Variants in HIF3A observed in about 807,000 individuals in gnomAD.
HIF3A encodes the protein hypoxia inducible factor 3 subunit alpha, also known as hypoxia-inducible factor 3-alpha.
In HIF3A, 41 loss-of-function variants were observed where a neutral mutation model predicts 67.2. The ratio of observed to expected loss-of-function variants is 0.61; its 90% CI spans 0.48 to 0.79. The LOEUF (loss-of-function observed/expected upper bound fraction) is 0.79, where lower values mean the gene tolerates loss of function less well. Among genes scored for constraint, HIF3A ranks in the 30% least tolerant of loss-of-function variants. HIF3A has a pLI of 0.00. For missense variants in HIF3A, 855 were observed against 898.0 expected (o/e 0.95, Z 0.61); for synonymous variants, 356 against 374.8 (o/e 0.95, Z 0.58).
Position 46,341,966 on chromosome 19 carries a change from A to C in HIF3A, c.*2344A>C, listed in dbSNP as rs1256293359. The C allele has an allele frequency of 6.6e-6, 1 of 152,158 alleles. No individual in the cohort carries two copies. 9.4% of individuals were successfully genotyped at this position (152,158 alleles called of 1,614,324 possible). On this transcript the variant is annotated 3_prime_UTR_variant, in exon 15 of 15. Coordinates refer to ENST00000377670, the MANE Select transcript of HIF3A (RefSeq NM_152795.4). ...ACCCTGTCCTTATCTTATAATAACC[A>C]GTTCTTCTAGAACCAGACGATGCTC... is the stretch of plus-strand genomic sequence containing the variant.
In HIF3A at chr19:46,342,597, C is replaced by T. The variant is rs1329381242; in HGVS notation, c.*2975C>T. The T allele has an allele frequency of 3.3e-5, 5 of 152,306 alleles. No homozygotes were observed. In the East Asian group the frequency reaches 9.6e-4, roughly 29 times the overall value. The allele number at this position is 152,306 out of a possible 1,614,324, so 9.4% of individuals were successfully genotyped here. On this transcript the variant is annotated 3_prime_UTR_variant, in exon 15 of 15. Coordinates refer to ENST00000377670, the MANE Select transcript of HIF3A (RefSeq NM_152795.4). ...CCTCTGCTTCTAAGCCTCACAGCTTCCAACTGCCTTTGATTTCAGATCCAA... is the reference window on the plus strand; with the variant it reads ...CCTCTGCTTCTAAGCCTCACAGCTTTCAACTGCCTTTGATTTCAGATCCAA...
At chr19:46,326,793 C>T (rs1158598027) in intron 11 of HIF3A, among the ~76,000 whole-genome samples, 2 of 152,142 alleles carry the variant, frequency 1.3e-5, no homozygotes, top group Non-Finnish European at 2.9e-5. Flanking sequence ...ATGCATATAT[C>T]CCTGGTCCAT....
rs374438259 is a variant in HIF3A, at chr19:46,325,554, T to C, written c.1355T>C (p.Leu452Pro). ...SPLSADLPDE[L>P]PVGTENVHRL... ...CCACAGGCTGATCTCCCAGATGAAC[T>C]ACCTGTGGGCACCGAGAATGTGCAC... Residue 452 changes from leucine to proline, a missense_variant, in exon 11 of 15, where the codon CTA becomes CCA. By Grantham distance (98) the Leu-to-Pro change is moderately conservative. Around this residue, in one of 3 missense-constraint regions of HIF3A, gnomAD observed 638 missense variants for 660.5 expected, o/e 0.97. Transcript: ENST00000377670. The C allele has an allele frequency of 1.7e-5, 27 of 1,612,880 alleles. No homozygotes were observed. In the African/African-American group the frequency reaches 2.1e-4, roughly 13 times the overall value.
rs545980944 is a variant in HIF3A at position 46,318,614 on chromosome 19, T to TTTTATTTA, written c.1026-1813_1026-1806dup. On this transcript the variant is annotated intron_variant, in intron 8 of 14. Transcript: ENST00000377670. Reference sequence around the variant, plus strand: ...AATTAATTTTATTTTTTAAATTTCATTTTATTTATTTATTTATTTATTTTG... The same window carrying TTTTATTTA: ...AATTAATTTTATTTTTTAAATTTCATTTTATTTATTTATTTATTTATTTATTTATTTTG... Among the ~76,000 whole-genome samples the TTTTATTTA allele has an allele frequency of 4.8e-3, 721 of 150,284 alleles. 6 individuals carry two copies. The highest frequency in any genetic ancestry group is 0.021 in the Middle Eastern group (6 of 290).
chr19:46,319,052 G>A (rs543429631), intron 8 of HIF3A, among the ~76,000 whole-genome samples: 123 of 152,142 alleles, frequency 8.1e-4, no homozygotes, highest in Non-Finnish European at 1.5e-3. Flanking sequence ...TGCTTGATGA[G>A]GATATATTTG....
At chr19:46,318,393 T>C (rs2147212750) in intron 8 of HIF3A, among the ~76,000 whole-genome samples, 1 of 151,362 alleles carries the variant, frequency 6.6e-6, no homozygotes, top group Middle Eastern at 3.4e-3. Flanking sequence ...TTACAAATAA[T>C]TTAAAAATTA....
intron 5 of HIF3A, 145 bp downstream of exon 5, chr19:46,308,920 G>A (rs1431042272): frequency 9.0e-6 from 6 of 665,610 alleles, no homozygotes; most frequent in Admixed American, 5.8e-5. Context: ...GGGTCTCAGG[G>A]CATCGAGGAG....
Position 46,309,355 on chromosome 19 carries a change from G to T in HIF3A, c.766G>T (p.Asp256Tyr), listed in dbSNP as rs772417048. ...SLDMKFTYCD[D>Y]RIAEVAGYSP... Reference sequence around the variant, plus strand: ...GGACATGAAGTTCACCTACTGTGACGACAGGTGGGCAGGGGCCCCCTCTTC... The same window carrying T: ...GGACATGAAGTTCACCTACTGTGACTACAGGTGGGCAGGGGCCCCCTCTTC... The change falls in exon 6 of 15, where the codon GAC becomes TAC. Residue 256 changes from aspartate to tyrosine, a missense_variant. This residue lies in a region of HIF3A where 638 missense variants were observed against 660.5 expected (regional missense o/e 0.97). Transcript: ENST00000377670. 4.4e-6 allele frequency: 7 copies of T among 1,602,586 alleles called. No individual in the cohort carries two copies. In the East Asian group the frequency reaches 1.6e-4, roughly 36 times the overall value.
chr19:46,313,226 C>T lies in HIF3A; in HGVS notation c.1025+573C>T, dbSNP rs774534680. 9.0e-5 allele frequency: 79 copies of T among 882,524 alleles called. 1 individual carries two copies. The highest frequency in any genetic ancestry group is 2.1e-4 in the South Asian group (4 of 18,902). The allele number at this position is 882,524 out of a possible 1,614,324, so 54.7% of individuals were successfully genotyped here. ...AGATTGCGTCAGTGCACTCTGGCCT[C>T]GGCAACAGAGCGAGACTCTGTCTCA... On this transcript the variant is annotated intron_variant, in intron 8 of 14. Transcript: ENST00000377670.
At chr19:46,302,053 ATAG>A (rs1230130433) in intron 1 of HIF3A, among the ~76,000 whole-genome samples, 4 of 152,132 alleles carry the variant, frequency 2.6e-5, no homozygotes, top group Admixed American at 6.5e-5. Context: ...TATATACAAT[ATAG>A]TAGATGTAAC....
At chr19:46,321,523 G>T (rs371267332) in intron 9 of HIF3A, among the ~76,000 whole-genome samples, 3 of 152,170 alleles carry the variant, frequency 2.0e-5, no homozygotes, top group Admixed American at 2.0e-4. Flanking sequence ...GGCAGAGGCT[G>T]CAGTGAACTG....
chr19:46,310,526 C>G (rs1247449851), intron 6 of HIF3A: 6 of 448,884 alleles, frequency 1.3e-5, no homozygotes, highest in South Asian at 9.5e-5. Context: ...ATCCCTCGCC[C>G]TGGTGTCATG....
At chr19:46,315,214 G>A (rs887657640) in intron 8 of HIF3A, among the ~76,000 whole-genome samples, 3 of 146,024 alleles carry the variant, frequency 2.1e-5, no homozygotes, top group Non-Finnish European at 4.5e-5. Flanking sequence ...TTATAGGCGC[G>A]CACCAACACG....
intron 8 of HIF3A, chr19:46,313,386 G>T (rs1429841849): frequency 1.2e-5 from 11 of 884,676 alleles, no homozygotes; most frequent in Non-Finnish European, 1.5e-5. Context: ...ACTTTGGGAG[G>T]CCAGGGGAGG....
intron 3 of HIF3A, among the ~76,000 whole-genome samples, chr19:46,306,839 C>T (rs565562724): frequency 1.3e-5 from 2 of 152,144 alleles, no homozygotes; most frequent in Non-Finnish European, 2.9e-5. Flanking sequence ...GTCAGAGGAG[C>T]GAGATCTCCC....
chr19:46,303,887 C>T lies in HIF3A; in HGVS notation c.27-11C>T. ...CGAGTCACCACCAGTGAATGCTGCC[C>T]ATGCCCTCAGGTCGACCACGGAGCT... On this transcript the variant is annotated splice_polypyrimidine_tract_variant and intron_variant, in intron 1 of 14. Coordinates refer to ENST00000377670, the MANE Select transcript of HIF3A (RefSeq NM_152795.4). 1.2e-6 allele frequency: 2 copies of T among 1,605,854 alleles called. No individual in the cohort carries two copies. The highest frequency in any genetic ancestry group is 1.7e-6 in the Non-Finnish European group (2 of 1,176,656).
intron 3 of HIF3A, among the ~76,000 whole-genome samples, chr19:46,306,174 G>A (rs372369538): frequency 4.6e-5 from 7 of 152,180 alleles, no homozygotes; most frequent in African/African-American, 1.7e-4. Context: ...AGGTCATCAG[G>A]GTAGACTGTG....
At position 46,303,900 on chromosome 19, in the gene HIF3A, C is replaced by G. The variant is rs1464435936; in HGVS notation, c.29C>G (p.Ser10Trp). ...GTGAATGCTGCCCATGCCCTCAGGT[C>G]GACCACGGAGCTGCGCAAGGAAAAG... Reference protein sequence around the residue: MALGLQRARSTTELRKEKSR... With the variant: MALGLQRARWTTELRKEKSR... Residue 10 changes from serine (S) to tryptophan (W), a missense_variant and splice_region_variant, in exon 2 of 15, where the codon TCG (serine) becomes TGG (tryptophan). Ser to Trp is a radical substitution (Grantham distance 177, BLOSUM62 -3). Around this residue, in one of 3 missense-constraint regions of HIF3A, gnomAD observed 638 missense variants for 660.5 expected, o/e 0.97. Coordinates refer to ENST00000377670, the MANE Select transcript of HIF3A (RefSeq NM_152795.4). 7 of 1,607,626 alleles carry G rather than the reference C, an allele frequency of 4.4e-6. No individual in the cohort carries two copies. The African/African-American group carries it at 6.7e-5, about 15-fold the overall frequency.
At chr19:46,319,003 C>G (rs1440374943) in intron 8 of HIF3A, among the ~76,000 whole-genome samples, 3 of 152,194 alleles carry the variant, frequency 2.0e-5, no homozygotes, top group African/African-American at 7.2e-5. Context: ...ACCCAGGCCA[C>G]TGACTACAGA....
Sources: gnomAD v4.1 joint callset for allele counts (sites outside exome capture counted in the v4.1 genomes callset) on GRCh38, gnomAD v4.1.1 for gene constraint, gnomAD v4.1.1 regional missense constraint, MANE v1.5 for transcripts, NCBI Gene and HGNC (gene_info 2026-07-23, HGNC 2026-07-21) for gene names.